DCC: variants seen among roughly 807,000 people sequenced by gnomAD.
DCC encodes DCC netrin 1 receptor, also known as netrin receptor DCC.
DCC carries 58 observed loss-of-function variants against 172.5 expected under a neutral mutation model. The observed-to-expected ratio is 0.34, with a 90% CI of 0.27 to 0.42. DCC has a LOEUF of 0.42. DCC is among the 10% of genes least tolerant of loss of function. The pLI is 1.00. For missense variants in DCC, 1,740 were observed against 1,791.0 expected, an observed-to-expected ratio of 0.97 and a Z score of 0.51; for synonymous variants, 709 against 644.5, an observed-to-expected ratio of 1.10 and a Z score of -1.52.
intron 1 of DCC, among the ~76,000 whole-genome samples, chr18:52,532,109 C>A (rs2032166890): frequency 6.6e-6 from 1 of 152,154 alleles, no homozygotes; most frequent in African/African-American, 2.4e-5. Flanking sequence ...GGAGTGACTC[C>A]TGTGCTTTTG....
chr18:52,791,879 G>T (rs1019524975), intron 2 of DCC, among the ~76,000 whole-genome samples: 6 of 152,108 alleles, frequency 3.9e-5, no homozygotes, highest in African/African-American at 1.4e-4. Flanking sequence ...CAGAATACGT[G>T]CCTTAAAAGA....
intron 7 of DCC, among the ~76,000 whole-genome samples, chr18:53,116,953 A>T (rs538703066): frequency 5.3e-5 from 8 of 151,724 alleles, no homozygotes; most frequent in Non-Finnish European, 8.9e-5. Context: ...AAAATAGTTT[A>T]GATTTTCAAC....
chr18:52,989,501 C>T (rs67211888), intron 5 of DCC, among the ~76,000 whole-genome samples: 7,627 of 152,054 alleles, frequency 0.05, 339 homozygotes, highest in East Asian at 0.21. Flanking sequence ...ACAGCCTGGG[C>T]GACAAGAGGG....
intron 5 of DCC, among the ~76,000 whole-genome samples, chr18:53,000,074 C>T (rs557181536): frequency 6.8e-4 from 103 of 152,084 alleles, no homozygotes; most frequent in African/African-American, 2.4e-3. Context: ...TACCCAGGGT[C>T]TCAGAGCAAG....
At chr18:52,807,304 C>A (rs1041797785) in intron 2 of DCC, among the ~76,000 whole-genome samples, 2 of 152,110 alleles carry the variant, frequency 1.3e-5, no homozygotes, top group African/African-American at 4.8e-5. Context: ...TGAGATGCCC[C>A]ATCTGAGCAT....
chr18:53,407,554 TA>T (rs1370737686), intron 19 of DCC, among the ~76,000 whole-genome samples: 10 of 144,038 alleles, frequency 6.9e-5, no homozygotes, highest in Non-Finnish European at 1.4e-4. Context: ...TATATATATA[TA>T]TTCACTATTA....
chr18:52,617,982 T>G (rs2034415568), intron 1 of DCC, among the ~76,000 whole-genome samples: 1 of 152,154 alleles, frequency 6.6e-6, no homozygotes, highest in Non-Finnish European at 1.5e-5. Context: ...AGAAATATAA[T>G]TTTATTACAG....
At position 53,339,734 on chromosome 18, in the gene DCC, C is replaced by G. The variant is rs1196773042; in HGVS notation, c.2186C>G (p.Pro729Arg). 1 of 1,613,884 alleles carries G rather than the reference C, an allele frequency of 6.2e-7. No individual in the cohort carries two copies. Among genetic ancestry groups the G allele is most frequent in the Non-Finnish European group, 8.5e-7 (1 of 1,179,908 alleles). The change falls in exon 15 of 29, where the codon CCA (proline) becomes CGA (arginine). Residue 729 changes from proline (P) to arginine (R), a missense_variant. Pro to Arg is a moderately radical substitution (Grantham distance 103, BLOSUM62 -2). Coordinates refer to ENST00000442544, the MANE Select transcript of DCC (RefSeq NM_005215.4). The part of the protein sequence containing the change: ...DLDESQVPDQ[P>R]SSLHVRPQTN... ...CTAGAATCTCAAGTTCCTGATCAAC[C>G]AAGCTCTCTTCATGTGAGGCCCCAG...
intron 15 of DCC, among the ~76,000 whole-genome samples, chr18:53,369,086 A>G (rs1429508702): frequency 1.3e-5 from 2 of 152,006 alleles, no homozygotes; most frequent in East Asian, 3.8e-4. Flanking sequence ...CTGCGTTTCT[A>G]TATATTTAAA....
At chr18:52,852,111 G>A (rs1295894368) in intron 2 of DCC, among the ~76,000 whole-genome samples, 2 of 151,974 alleles carry the variant, frequency 1.3e-5, no homozygotes, top group Non-Finnish European at 2.9e-5. Context: ...TATCTAAAAG[G>A]CTGAATTATA....
At chr18:53,491,309 T>A (rs1256996100) in intron 26 of DCC, among the ~76,000 whole-genome samples, 1 of 152,130 alleles carries the variant, frequency 6.6e-6, no homozygotes, top group African/African-American at 2.4e-5. Flanking sequence ...GAGACCAAAT[T>A]TCAAAAGACT....
intron 1 of DCC, among the ~76,000 whole-genome samples, chr18:52,612,322 C>A (rs62083420): frequency 6.6e-6 from 1 of 151,900 alleles, no homozygotes; most frequent in Non-Finnish European, 1.5e-5. Flanking sequence ...GCCAACATGC[C>A]CAATTAATCA....
intron 1 of DCC, among the ~76,000 whole-genome samples, chr18:52,677,781 T>C (rs2035671923): frequency 6.6e-6 from 1 of 152,154 alleles, no homozygotes; most frequent in African/African-American, 2.4e-5. Flanking sequence ...GTTTTTGATT[T>C]TCCACATGAA....
chr18:52,875,782 G>A (rs1035194173), intron 2 of DCC, among the ~76,000 whole-genome samples: 61 of 152,166 alleles, frequency 4.0e-4, no homozygotes, highest in African/African-American at 1.3e-3. Flanking sequence ...CAGAGCTGAC[G>A]GCACTATCTT....
At chr18:52,892,262 A>G (rs1394535699) in intron 2 of DCC, 1 of 152,122 alleles carries the variant, frequency 6.6e-6, no homozygotes, top group East Asian at 1.9e-4. Flanking sequence ...CTGCATAAGT[A>G]CCCTGACACT....
chr18:52,776,035 A>G (rs1364705092), intron 2 of DCC, among the ~76,000 whole-genome samples: 1 of 152,220 alleles, frequency 6.6e-6, no homozygotes, highest in African/African-American at 2.4e-5. Context: ...AGAGTTGGAT[A>G]CTGACTTTCT....
At chr18:52,520,501 T>G (rs769434386) in intron 1 of DCC, among the ~76,000 whole-genome samples, 1 of 152,152 alleles carries the variant, frequency 6.6e-6, no homozygotes, top group Admixed American at 6.5e-5. Context: ...AATGGTAGGG[T>G]TTCCCGGAGA....
In DCC at chr18:52,422,056, A is replaced by G. The variant is rs186166025; in HGVS notation, c.91+81178A>G. Among the ~76,000 whole-genome samples, 280 of 152,298 alleles carry G rather than the reference A, an allele frequency of 1.8e-3. 1 individual carries two copies. Among genetic ancestry groups the G allele is most frequent in the African/African-American group, 6.4e-3 (266 of 41,586 alleles). On this transcript the variant is annotated intron_variant, in intron 1 of 28. Transcript: ENST00000442544. ...GTTTTCCTTTAAAGAAAACTGGAAA[A>G]CAGAGAAAAATGAGAAAATATTTGC...
chr18:53,123,638 T>G (rs973433662), intron 7 of DCC, among the ~76,000 whole-genome samples: 5 of 152,098 alleles, frequency 3.3e-5, no homozygotes, highest in African/African-American at 1.2e-4. Context: ...GAAGTCATTT[T>G]CTGTTTTAGA....
Sources: gnomAD v4.1 joint callset for allele counts (sites outside exome capture counted in the v4.1 genomes callset) on GRCh38, gnomAD v4.1.1 for gene constraint, MANE v1.5 for transcripts, NCBI Gene and HGNC (gene_info 2026-07-23, HGNC 2026-07-21) for gene names.